The following UBE4B variants were observed in gnomAD, a reference collection of about 807,000 sequenced individuals.
UBE4B encodes the protein ubiquitination factor E4B, also known as ubiquitin conjugation factor E4 B.
Under a neutral mutation model 148.1 loss-of-function variants are expected in UBE4B, and 27 were observed. The observed-to-expected ratio is 0.18, with a 90% CI of 0.13 to 0.25. The LOEUF (loss-of-function observed/expected upper bound fraction) is 0.25. Among genes scored for constraint, UBE4B ranks in the 10% least tolerant of loss-of-function variants. The pLI, the probability that UBE4B is intolerant of heterozygous loss-of-function variation, is 1.00. For synonymous variants in UBE4B, 596 were observed against 619.3 expected, an observed-to-expected ratio of 0.96 and a Z score of 0.56; for missense variants, 1,170 against 1,662.4, an observed-to-expected ratio of 0.70 and a Z score of 5.15.
chr1:10,080,991 G>A (rs1644670447), intron 2 of UBE4B, among the ~76,000 whole-genome samples: 3 of 152,170 alleles, frequency 2.0e-5, no homozygotes, highest in Admixed American at 2.0e-4. Context: ...GTGATCTATT[G>A]TACAGGATGT....
In UBE4B at chr1:10,171,273, G is replaced by C. The variant is rs1646334611; in HGVS notation, c.3469G>C (p.Asp1157His). Residue 1157 changes from aspartate (D) to histidine (H), a missense_variant, in exon 25 of 28, where the codon GAT becomes CAT. Coordinates refer to ENST00000343090, the MANE Select transcript of UBE4B (RefSeq NM_001105562.3). ...EPKKLLDQLT[D>H]IYLQLDCARF... ...AAAGAAGCTGTTGGACCAACTGACG[G>C]ATATTTACTTACAGCTGGACTGTGC... The C allele has an allele frequency of 6.2e-7, 1 of 1,614,080 alleles. No homozygotes were observed. The highest frequency in any genetic ancestry group is 8.5e-7 in the Non-Finnish European group (1 of 1,180,044).
intron 21 of UBE4B, among the ~76,000 whole-genome samples, chr1:10,156,068 G>T (rs1646065547): frequency 6.6e-6 from 1 of 151,430 alleles, no homozygotes; most frequent in Admixed American, 6.6e-5. Context: ...AAGAATACCT[G>T]GGGGGAGGAG....
At chr1:10,035,599 G>C (rs1247821772) in intron 1 of UBE4B, among the ~76,000 whole-genome samples, 1 of 147,940 alleles carries the variant, frequency 6.8e-6, no homozygotes, top group Non-Finnish European at 1.5e-5. Flanking sequence ...GTAGAGACGG[G>C]GTTTCACTGT....
Position 10,072,120 on chromosome 1 carries a change from G to A in UBE4B, c.117G>A (p.Gly39=). Residue 39 remains glycine (G), a synonymous_variant, in exon 2 of 28, where the codon GGG becomes GGA. Coordinates refer to ENST00000343090, the MANE Select transcript of UBE4B (RefSeq NM_001105562.3). ...LTSPQRENPP[G]PPIAASAPGP... is the part of the protein sequence containing the mutation. ...CTCCCCAGAGGGAGAACCCTCCGGGGCCTCCCATAGCGGCATCAGCCCCAG... is the reference window on the plus strand; with the variant it reads ...CTCCCCAGAGGGAGAACCCTCCGGGACCTCCCATAGCGGCATCAGCCCCAG... 3 of 1,613,398 alleles carry A rather than the reference G, an allele frequency of 1.9e-6. No homozygotes were observed. Among genetic ancestry groups the A allele is most frequent in the Middle Eastern group, 1.7e-4 (1 of 6,058 alleles).
At chr1:10,123,424 T>C (rs1219431321) in intron 10 of UBE4B, among the ~76,000 whole-genome samples, 6 of 108,120 alleles carry the variant, frequency 5.5e-5, no homozygotes, top group Non-Finnish European at 1.0e-4. Flanking sequence ...AGCAAGACTG[T>C]CTCAAAAAAA....
chr1:10,166,970 CAAA>C (rs796133568), intron 23 of UBE4B, among the ~76,000 whole-genome samples: 11 of 133,244 alleles, frequency 8.3e-5, no homozygotes, highest in African/African-American at 2.9e-4. Context: ...CACACACACA[CAAA>C]AAAAAAAAAT....
At chr1:10,111,272 C>T (rs927591028) in intron 7 of UBE4B, among the ~76,000 whole-genome samples, 10 of 152,056 alleles carry the variant, frequency 6.6e-5, no homozygotes, top group Admixed American at 3.3e-4. Flanking sequence ...CATGCACATA[C>T]GTGCCCCATT....
In UBE4B at chr1:10,101,669, C is replaced by T. The variant is rs1218222962; in HGVS notation, c.435+474C>T. On this transcript the variant is annotated intron_variant, in intron 4 of 27. Coordinates refer to ENST00000343090, the MANE Select transcript of UBE4B (RefSeq NM_001105562.3). ...GACTACAGGCGCCCGCCACCACGCC[C>T]AGCTAATTTTTTGTATTTTTAGTAG... Among the ~76,000 whole-genome samples the T allele has an allele frequency of 3.3e-5, 5 of 152,038 alleles. No homozygotes were observed. The East Asian group carries it at 9.7e-4, about 29-fold the overall frequency.
At chr1:10,062,653 A>G (rs1291415461) in intron 1 of UBE4B, among the ~76,000 whole-genome samples, 1 of 152,176 alleles carries the variant, frequency 6.6e-6, no homozygotes, top group East Asian at 1.9e-4. Flanking sequence ...TCTTTCCTAG[A>G]ACAAGAAAAT....
intron 7 of UBE4B, among the ~76,000 whole-genome samples, chr1:10,113,852 G>A (rs1371406751): frequency 6.6e-6 from 1 of 152,080 alleles, no homozygotes; most frequent in Non-Finnish European, 1.5e-5. Flanking sequence ...AGATCATGAG[G>A]TCAGGAGATC....
At chr1:10,109,771 C>T (rs1015177783) in intron 7 of UBE4B, among the ~76,000 whole-genome samples, 3 of 152,082 alleles carry the variant, frequency 2.0e-5, no homozygotes, top group South Asian at 4.1e-4. Flanking sequence ...GTGCCTCAGC[C>T]TCCCAAGTAG....
chr1:10,150,124 C>T (rs1212932934), intron 20 of UBE4B, among the ~76,000 whole-genome samples: 2 of 151,972 alleles, frequency 1.3e-5, no homozygotes, highest in South Asian at 2.1e-4. Flanking sequence ...ATATTGCTGT[C>T]ATAAAAGCTG....
At chr1:10,049,971 T>A (rs1327462595) in intron 1 of UBE4B, among the ~76,000 whole-genome samples, 1 of 152,142 alleles carries the variant, frequency 6.6e-6, no homozygotes, top group Admixed American at 6.6e-5. Flanking sequence ...CTGGGCAAAT[T>A]CTGTTACATT....
At chr1:10,107,401 T>C in intron 7 of UBE4B, 36 of 1,274,808 alleles carry the variant, frequency 2.8e-5, no homozygotes, top group Non-Finnish European at 3.7e-5. Context: ...GTCTTACCCC[T>C]GCATGTGCGT....
intron 1 of UBE4B, among the ~76,000 whole-genome samples, chr1:10,037,086 G>C (rs1643567532): frequency 6.6e-6 from 1 of 152,136 alleles, no homozygotes; most frequent in Admixed American, 6.6e-5. Context: ...GGAGTGCAAT[G>C]GCGCGATCTT....
At chr1:10,086,937 G>T (rs1644775393) in intron 2 of UBE4B, among the ~76,000 whole-genome samples, 1 of 152,162 alleles carries the variant, frequency 6.6e-6, no homozygotes, top group Non-Finnish European at 1.5e-5. Flanking sequence ...CTCCCAAAGT[G>T]CTGGGATTAT....
At chr1:10,176,599 G>C (rs889469313) in intron 25 of UBE4B, among the ~76,000 whole-genome samples, 8 of 151,856 alleles carry the variant, frequency 5.3e-5, no homozygotes, top group African/African-American at 1.9e-4. Context: ...GGAGTGACGT[G>C]GTATTTCATT....
intron 25 of UBE4B, among the ~76,000 whole-genome samples, chr1:10,178,204 T>C (rs1172866834): frequency 6.6e-6 from 1 of 152,068 alleles, no homozygotes; most frequent in Non-Finnish European, 1.5e-5. Flanking sequence ...CATGCTTACC[T>C]TTGTGGAAGA....
At chr1:10,154,632 G>T (rs556354625) in intron 21 of UBE4B, among the ~76,000 whole-genome samples, 1 of 152,280 alleles carries the variant, frequency 6.6e-6, no homozygotes, top group South Asian at 2.1e-4. Context: ...GAGGTCAGGA[G>T]TTGGAGGCTT....
Sources: allele counts gnomAD v4.1 joint callset (sites outside exome capture counted in the v4.1 genomes callset), GRCh38; gene constraint gnomAD v4.1.1; transcripts MANE v1.5; gene names NCBI Gene and HGNC (gene_info 2026-07-23, HGNC 2026-07-21).